Variants in ECH1 observed in about 807,000 individuals in gnomAD.
ECH1 encodes delta(3,5)-Delta(2,4)-dienoyl-CoA isomerase, mitochondrial.
ECH1 carries 30 observed loss-of-function variants against 37.0 expected under a neutral mutation model. That is an observed-to-expected ratio of 0.81 (90% CI 0.61 to 1.10). ECH1 has a LOEUF of 1.10. Ranked by LOEUF, ECH1 falls within the 50% of genes least tolerant of loss-of-function variation. The pLI is 0.00. For synonymous variants in ECH1, 178 were observed against 176.0 expected (o/e 1.01, Z -0.09); for missense variants, 456 against 441.6 (o/e 1.03, Z -0.29).
At chr19:38,822,883 CT>C in intron 3 of ECH1, 1 of 152,956 alleles carries the variant, frequency 6.5e-6, no homozygotes, top group Non-Finnish European at 1.5e-5. Context: ...AAGCTCTGTT[CT>C]TTTGCTCTTT....
chr19:38,816,660 C>T, intron 6 of ECH1, 137 bp from the exon 7 acceptor site: 1 of 1,093,606 alleles, frequency 9.1e-7, no homozygotes, highest in Non-Finnish European at 1.3e-6. Flanking sequence ...AAGTCCCATT[C>T]CATTGCCCAG....
chr19:38,820,654 T>C (rs1004124329), intron 3 of ECH1, among the ~76,000 whole-genome samples: 13 of 152,194 alleles, frequency 8.5e-5, no homozygotes, highest in Admixed American at 7.9e-4. Flanking sequence ...CTTTCTCTAA[T>C]TAGTAGTTCT....
intron 3 of ECH1, among the ~76,000 whole-genome samples, chr19:38,822,497 G>C (rs1164891286): frequency 3.3e-5 from 5 of 151,428 alleles, no homozygotes; most frequent in African/African-American, 1.2e-4. Flanking sequence ...CTAATCTGGT[G>C]GGGACTTGGA....
intron 6 of ECH1, 73 bp downstream of exon 6, chr19:38,816,992 C>A: frequency 6.7e-7 from 1 of 1,496,024 alleles, no homozygotes; most frequent in South Asian, 1.2e-5. Flanking sequence ...ATGAAGCCCT[C>A]GAGGCTCACT....
intron 3 of ECH1, among the ~76,000 whole-genome samples, chr19:38,825,158 C>G (rs1971720898): frequency 1.3e-5 from 2 of 152,222 alleles, no homozygotes; most frequent in South Asian, 4.1e-4. Context: ...TACCTGGAAT[C>G]TTAATCAAGT....
chr19:38,816,936 C>T, intron 6 of ECH1, 129 bp downstream of exon 6: 1 of 1,086,352 alleles, frequency 9.2e-7, no homozygotes, highest in Non-Finnish European at 1.3e-6. Context: ...TCTTGACTTC[C>T]TCTATGGGCA....
intron 3 of ECH1, among the ~76,000 whole-genome samples, chr19:38,822,583 A>C (rs1971679637): frequency 6.6e-6 from 1 of 152,094 alleles, no homozygotes; most frequent in African/African-American, 2.4e-5. Context: ...TTGTAAATAC[A>C]CCAATCAGCA....
chr19:38,816,617 C>T (rs1568356175), intron 6 of ECH1, 94 bp from the exon 7 acceptor site: 3 of 1,408,414 alleles, frequency 2.1e-6, no homozygotes, highest in Non-Finnish European at 3.0e-6. Context: ...ACTGGAGAGT[C>T]CCGCCCCACC....
At chr19:38,823,523 G>A (rs976669125) in intron 3 of ECH1, among the ~76,000 whole-genome samples, 1 of 152,160 alleles carries the variant, frequency 6.6e-6, no homozygotes, top group African/African-American at 2.4e-5. Flanking sequence ...CTAAAGACAT[G>A]GGTGTCAGGC....
At chr19:38,818,395 C>T in intron 3 of ECH1, 2 of 985,436 alleles carry the variant, frequency 2.0e-6, no homozygotes, top group Non-Finnish European at 2.4e-6. Context: ...CCACCCTGCT[C>T]TCCCTGTTTC....
chr19:38,822,448 C>T (rs1971677367), intron 3 of ECH1, among the ~76,000 whole-genome samples: 1 of 150,836 alleles, frequency 6.6e-6, no homozygotes, highest in African/African-American at 2.4e-5. Flanking sequence ...ATGTCTAGCT[C>T]AAGGTTTGTA....
chr19:38,816,149 C>T (rs1971572141), intron 8 of ECH1, 135 bp downstream of exon 8: 1 of 1,473,452 alleles, frequency 6.8e-7, no homozygotes, highest in Admixed American at 2.2e-5. Context: ...GCTGACCCCA[C>T]AATAAAGAAA....
chr19:38,817,028 G>C, intron 6 of ECH1, 37 bp downstream of exon 6: 1 of 1,552,500 alleles, frequency 6.4e-7, no homozygotes, highest in Non-Finnish European at 8.7e-7. Context: ...TCACCCCACT[G>C]CCCAGCTCTA....
At chr19:38,820,720 T>C (rs74558398) in intron 3 of ECH1, among the ~76,000 whole-genome samples, 2,189 of 152,074 alleles carry the variant, frequency 0.014, 55 homozygotes, top group African/African-American at 0.048. Context: ...GCCTTCGGGG[T>C]CTTGCTGCTG....
At position 38,815,681 on chromosome 19, in the gene ECH1, G is replaced by C; in HGVS notation, c.919C>G (p.Leu307Val). Residue 307 changes from leucine to valine, a missense_variant, in exon 10 of 10, where the codon CTC becomes GTC. Physicochemically the swap from Leu to Val is conservative, Grantham distance 32. Coordinates refer to ENST00000221418, the MANE Select transcript of ECH1 (RefSeq NM_001398.3). ...WNMSMLQTQD[L>V]VKSVQATTEN... ...GTCGTGGCCTGGACCGACTTCACGA[G>C]GTCTTGGGTCTGCAGCATGCTCATG... 6.2e-7 allele frequency: 1 copy of C among 1,614,198 alleles called. No homozygotes were observed. The highest frequency in any genetic ancestry group is 8.5e-7 in the Non-Finnish European group (1 of 1,180,044).
At chr19:38,823,398 G>A (rs1437656741) in intron 3 of ECH1, among the ~76,000 whole-genome samples, 1 of 152,212 alleles carries the variant, frequency 6.6e-6, no homozygotes, top group Admixed American at 6.5e-5. Flanking sequence ...TCGCCAAGCA[G>A]TGAGTACCAC....
chr19:38,831,623 C>G (rs1482950914), intron 1 of ECH1, 98 bp downstream of exon 1: 1 of 1,573,148 alleles, frequency 6.4e-7, no homozygotes. Context: ...ATTTAGGGGA[C>G]TCGGGCCCTT....
In ECH1 at chr19:38,831,752, A is replaced by G. The variant is rs762991921; in HGVS notation, c.21T>C (p.Ala7=). MAAGIV[A]SRRLRDLLTR... is the part of the protein sequence containing the mutation. ...TCAGTAGGTCGCGGAGTCTGCGAGA[A>G]GCCACTATCCCCGCCGCCATCGCCG... The change falls in exon 1 of 10, where the codon GCT becomes GCC. Residue 7 remains alanine (A), a synonymous_variant. Transcript: ENST00000221418. The G allele has an allele frequency of 1.9e-6, 3 of 1,613,148 alleles. No individual in the cohort carries two copies. The highest frequency in any genetic ancestry group is 1.7e-6 in the Non-Finnish European group (2 of 1,179,850).
intron 3 of ECH1, among the ~76,000 whole-genome samples, chr19:38,821,778 C>G (rs1195214697): frequency 3.3e-5 from 5 of 152,184 alleles, no homozygotes; most frequent in African/African-American, 4.8e-5. Flanking sequence ...CGAGCCTCCC[C>G]CCGCCGCCGT....
Sources: gnomAD v4.1 joint callset for allele counts (sites outside exome capture counted in the v4.1 genomes callset) on GRCh38, gnomAD v4.1.1 for gene constraint, MANE v1.5 for transcripts, NCBI Gene and HGNC (gene_info 2026-07-23, HGNC 2026-07-21) for gene names.